The following ADAMTS14 variants were observed in gnomAD, a reference collection of about 807,000 sequenced individuals.
The protein encoded by ADAMTS14 is ADAM metallopeptidase with thrombospondin type 1 motif 14.
Under a neutral mutation model 128.6 loss-of-function variants are expected in ADAMTS14, and 100 were observed. That is an observed-to-expected ratio of 0.78 (90% CI 0.66 to 0.92). The LOEUF (loss-of-function observed/expected upper bound fraction) is 0.92, where lower values mean the gene tolerates loss of function less well. Ranked by LOEUF, ADAMTS14 falls within the 40% of genes least tolerant of loss-of-function variation. The probability of loss-of-function intolerance (pLI) is 0.00; values close to 1 mark genes in which losing one functional copy is unlikely to be tolerated. For synonymous variants in ADAMTS14, 665 were observed against 653.8 expected, an observed-to-expected ratio of 1.02 and a Z score of -0.26; for missense variants, 1,562 against 1,658.6, an observed-to-expected ratio of 0.94 and a Z score of 1.01.
At chr10:70,677,269 G>T (rs116122046) in intron 2 of ADAMTS14, among the ~76,000 whole-genome samples, 1,535 of 152,266 alleles carry the variant, frequency 0.01, 32 homozygotes, top group African/African-American at 0.035. Context: ...AGGTGGGGCT[G>T]TTCAGTGGGC....
At chr10:70,706,138 G>A (rs1014199523) in intron 3 of ADAMTS14, among the ~76,000 whole-genome samples, 19 of 150,924 alleles carry the variant, frequency 1.3e-4, no homozygotes, top group African/African-American at 4.4e-4. Context: ...ACCCACAGAA[G>A]AGGGTGTGGC....
intron 18 of ADAMTS14, among the ~76,000 whole-genome samples, chr10:70,752,846 G>T (rs1156725364): frequency 1.3e-5 from 2 of 152,152 alleles, no homozygotes; most frequent in Non-Finnish European, 2.9e-5. Context: ...GCAAGGGTGG[G>T]AACCGGTGGC....
intron 14 of ADAMTS14, 70 bp from the exon 15 acceptor site, chr10:70,745,156 G>T: frequency 6.9e-7 from 1 of 1,451,404 alleles, no homozygotes; most frequent in Non-Finnish European, 9.5e-7. Context: ...CAGTGAGGGA[G>T]TGGGGGACGC....
chr10:70,746,053 G>A (rs558566549), intron 15 of ADAMTS14, among the ~76,000 whole-genome samples: 1 of 152,332 alleles, frequency 6.6e-6, no homozygotes, highest in African/African-American at 2.4e-5. Context: ...ACTAGCTCTT[G>A]ATGGTAGAAG....
chr10:70,703,896 A>G (rs1840570918), intron 3 of ADAMTS14, among the ~76,000 whole-genome samples: 1 of 152,242 alleles, frequency 6.6e-6, no homozygotes, highest in Non-Finnish European at 1.5e-5. Flanking sequence ...GGCCTTCCTT[A>G]GAAAGACCAG....
At position 70,721,565 on chromosome 10, in the gene ADAMTS14, T is replaced by A. The variant is rs147626972; in HGVS notation, c.871-7729T>A. ...CACGCCTGGCTAATTTTTTCTGTAT[T>A]GTTAGTAGAGACGGGGTTTCACCGT... On this transcript the variant is annotated intron_variant, in intron 4 of 21. Coordinates refer to ENST00000373207, the MANE Select transcript of ADAMTS14 (RefSeq NM_080722.4). Among the ~76,000 whole-genome samples the A allele has an allele frequency of 1.5e-4, 23 of 152,132 alleles. No homozygotes were observed. The East Asian group carries it at 4.5e-3, about 30-fold the overall frequency.
At chr10:70,754,244 G>A (rs1842428640) in intron 19 of ADAMTS14, among the ~76,000 whole-genome samples, 1 of 152,258 alleles carries the variant, frequency 6.6e-6, no homozygotes, top group African/African-American at 2.4e-5. Flanking sequence ...ATGGGTTCAT[G>A]TCCCTGTGTT....
chr10:70,750,913 G>A (rs1311799628), intron 16 of ADAMTS14, among the ~76,000 whole-genome samples: 5 of 152,014 alleles, frequency 3.3e-5, no homozygotes, highest in African/African-American at 1.2e-4. Context: ...AGAACAGAGG[G>A]GCAAATCTTT....
Position 70,711,837 on chromosome 10 carries a change from C to T in ADAMTS14, c.870+3059C>T, listed in dbSNP as rs923920332. Among the ~76,000 whole-genome samples the T allele has an allele frequency of 6.6e-5, 10 of 152,220 alleles. No homozygotes were observed. In the East Asian group the frequency reaches 1.7e-3, roughly 27 times the overall value. ...TGGCCGGCACCCATTGAGATGGCAG[C>T]AGGAGAGAGCAGCAGAGTTCTGTCT... is the stretch of plus-strand genomic sequence containing the variant. On this transcript the variant is annotated intron_variant, in intron 4 of 21. Coordinates refer to ENST00000373207, the MANE Select transcript of ADAMTS14 (RefSeq NM_080722.4).
chr10:70,739,479 T>C (rs1375266145), intron 11 of ADAMTS14, among the ~76,000 whole-genome samples: 1 of 152,042 alleles, frequency 6.6e-6, no homozygotes. Flanking sequence ...GGGGGAGATG[T>C]CCATTCTCCC....
At chr10:70,708,821 G>GT in intron 4 of ADAMTS14, 43 bp downstream of exon 4, 1 of 1,332,590 alleles carries the variant, frequency 7.5e-7, no homozygotes, top group South Asian at 1.6e-5. Flanking sequence ...AGTGGGGTGG[G>GT]GTGGGCCCCA....
chr10:70,748,000 C>G (rs967959711), intron 15 of ADAMTS14, among the ~76,000 whole-genome samples: 1 of 152,070 alleles, frequency 6.6e-6, no homozygotes, highest in Non-Finnish European at 1.5e-5. Context: ...TTAGACTCTC[C>G]TGGAATTGGG....
intron 17 of ADAMTS14, among the ~76,000 whole-genome samples, 167 bp from the exon 18 acceptor site, chr10:70,751,928 C>T (rs1292610098): frequency 2.0e-5 from 3 of 152,216 alleles, no homozygotes; most frequent in Non-Finnish European, 4.4e-5. Flanking sequence ...CGAGATGGAG[C>T]TGATCAGGAA....
chr10:70,704,943 C>A (rs1404389710), intron 3 of ADAMTS14, among the ~76,000 whole-genome samples: 2 of 151,930 alleles, frequency 1.3e-5, no homozygotes, highest in Non-Finnish European at 2.9e-5. Flanking sequence ...CACATACAGA[C>A]CCCTCTATAC....
chr10:70,675,457 G>T (rs1839616895), intron 2 of ADAMTS14, among the ~76,000 whole-genome samples: 1 of 152,200 alleles, frequency 6.6e-6, no homozygotes, highest in Non-Finnish European at 1.5e-5. Context: ...GATATGGCCT[G>T]CCTAACTGGG....
Position 70,736,761 on chromosome 10 carries a change from C to A in ADAMTS14, c.1567C>A (p.Pro523Thr), listed in dbSNP as rs545622900. The A allele has an allele frequency of 6.2e-7, 1 of 1,613,850 alleles. No individual in the cohort carries two copies. The highest frequency in any genetic ancestry group is 1.1e-5 in the South Asian group (1 of 91,066). The change falls in exon 10 of 22, where the codon CCG becomes ACG. Residue 523 changes from proline to threonine, a missense_variant. Coordinates refer to ENST00000373207, the MANE Select transcript of ADAMTS14 (RefSeq NM_080722.4). ...PYFCKTKKGP[P>T]LDGTECAPGK... ...CTTCTGCAAGACCAAGAAGGGGCCC[C>A]CGCTGGATGGGACTGAGTGTGCACC...
At chr10:70,675,503 C>T (rs781324616) in intron 2 of ADAMTS14, among the ~76,000 whole-genome samples, 1 of 152,112 alleles carries the variant, frequency 6.6e-6, no homozygotes, top group Non-Finnish European at 1.5e-5. Flanking sequence ...TGGCTCGTGG[C>T]GTGGGCACAG....
At chr10:70,727,772 G>T (rs936149004) in intron 4 of ADAMTS14, among the ~76,000 whole-genome samples, 2 of 152,220 alleles carry the variant, frequency 1.3e-5, no homozygotes, top group Admixed American at 1.3e-4. Flanking sequence ...TAGAGACAGG[G>T]TCTCACTATG....
chr10:70,711,592 A>G (rs548389256), intron 4 of ADAMTS14, among the ~76,000 whole-genome samples: 1 of 152,330 alleles, frequency 6.6e-6, no homozygotes, highest in Non-Finnish European at 1.5e-5. Flanking sequence ...CATGCCTGGC[A>G]CATAGTGGGT....
Sources: gnomAD v4.1 joint callset for allele counts (sites outside exome capture counted in the v4.1 genomes callset) on GRCh38, gnomAD v4.1.1 for gene constraint, MANE v1.5 for transcripts, NCBI Gene and HGNC (gene_info 2026-07-23, HGNC 2026-07-21) for gene names.